SLC30A4: variants seen among roughly 807,000 people sequenced by gnomAD.
The protein encoded by SLC30A4 is probable proton-coupled zinc antiporter SLC30A4.
SLC30A4 carries 20 observed loss-of-function variants against 41.7 expected under a neutral mutation model. The observed-to-expected ratio is 0.48, with a 90% confidence interval of 0.34 to 0.70. The LOEUF is 0.70. Among genes scored for constraint, SLC30A4 ranks in the 30% least tolerant of loss-of-function variants. SLC30A4 has a pLI of 0.01. For missense variants in SLC30A4, 441 were observed against 529.3 expected, an observed-to-expected ratio of 0.83 and a Z score of 1.64; for synonymous variants, 181 against 195.9, an observed-to-expected ratio of 0.92 and a Z score of 0.64.
chr15:45,514,861 C>A (rs1331357097), intron 2 of SLC30A4, among the ~76,000 whole-genome samples: 1 of 151,868 alleles, frequency 6.6e-6, no homozygotes, highest in Non-Finnish European at 1.5e-5. Flanking sequence ...TCTTTTTGCT[C>A]AACTCTGTGA....
chr15:45,495,115 C>A (rs555661344), intron 3 of SLC30A4, among the ~76,000 whole-genome samples: 2 of 151,214 alleles, frequency 1.3e-5, no homozygotes, highest in Admixed American at 1.3e-4. Flanking sequence ...CACTACACTC[C>A]AGCCAGGGTG....
At position 45,485,273 on chromosome 15, in the gene SLC30A4, T is replaced by G. The variant is rs901735113; in HGVS notation, c.1180A>C (p.Asn394His). Residue 394 changes from asparagine (N) to histidine (H), a missense_variant, in exon 8 of 8, where the codon AAC (asparagine) becomes CAC (histidine). By Grantham distance (68) the Asn-to-His change is moderately conservative. Coordinates refer to ENST00000261867, the MANE Select transcript of SLC30A4 (RefSeq NM_013309.6). ...SKWEEVQSKANHLLLNTFGMY... is the reference protein window; with the variant it reads ...SKWEEVQSKAHHLLLNTFGMY... ...CCAAATGTGTTCAATAATAAATGGT[T>G]TGCTTTGGACTGTACTTCCTCCCAT... 1 of 1,612,230 alleles carries G rather than the reference T, an allele frequency of 6.2e-7. No homozygotes were observed. The highest frequency in any genetic ancestry group is 8.5e-7 in the Non-Finnish European group (1 of 1,178,894).
chr15:45,500,066 CTG>C (rs1891989266), intron 3 of SLC30A4, among the ~76,000 whole-genome samples: 1 of 152,124 alleles, frequency 6.6e-6, no homozygotes, highest in Non-Finnish European at 1.5e-5. Flanking sequence ...TCTTGAAAAA[CTG>C]TTATTTAATC....
At chr15:45,500,150 T>C (rs1891991389) in intron 3 of SLC30A4, among the ~76,000 whole-genome samples, 1 of 152,132 alleles carries the variant, frequency 6.6e-6, no homozygotes, top group Non-Finnish European at 1.5e-5. Flanking sequence ...CGGTAGGCCA[T>C]TTTGGAGCAT....
chr15:45,521,813 G>T, intron 2 of SLC30A4, 151 bp downstream of exon 2: 1 of 712,362 alleles, frequency 1.4e-6, no homozygotes, highest in Non-Finnish European at 2.3e-6. Context: ...GCTGCACTTT[G>T]GAACCGTGTG....
chr15:45,495,137 CCT>C (rs1356159940), intron 3 of SLC30A4, among the ~76,000 whole-genome samples: 2 of 151,496 alleles, frequency 1.3e-5, no homozygotes, highest in African/African-American at 2.4e-5. Flanking sequence ...GAGTGAGACC[CCT>C]GTCTCTCAAA....
At chr15:45,508,573 T>G (rs1892211277) in intron 3 of SLC30A4, among the ~76,000 whole-genome samples, 1 of 152,228 alleles carries the variant, frequency 6.6e-6, no homozygotes, top group South Asian at 2.1e-4. Context: ...CCCACTCATA[T>G]GTACTTTACA....
At chr15:45,495,396 G>A (rs563263850) in intron 3 of SLC30A4, among the ~76,000 whole-genome samples, 1 of 152,246 alleles carries the variant, frequency 6.6e-6, no homozygotes, top group South Asian at 2.1e-4. Context: ...TTCTGGTTTG[G>A]ATGATAAATT....
intron 3 of SLC30A4, among the ~76,000 whole-genome samples, chr15:45,500,428 A>G (rs1891995659): frequency 6.6e-6 from 1 of 152,202 alleles, no homozygotes; most frequent in Admixed American, 6.5e-5. Flanking sequence ...CTCAGATTTG[A>G]ACAAAAGATG....
rs777390582 is a variant in SLC30A4 at position 45,522,027 on chromosome 15, C to T, written c.328G>A (p.Val110Met). Residue 110 changes from valine to methionine, a missense_variant, in exon 2 of 8, where the codon GTG becomes ATG. Physicochemically the swap from Val to Met is conservative, Grantham distance 21 (BLOSUM62 1). Coordinates refer to ENST00000261867, the MANE Select transcript of SLC30A4 (RefSeq NM_013309.6). The part of the protein sequence containing the change: ...KQREILKQRK[V>M]KARLTIAAVL... Reference sequence around the variant, plus strand: ...GCAGCAATGGTCAACCTGGCTTTCACCTTTCTCTGCTTCAGTATCTCTCTC... The same window carrying T: ...GCAGCAATGGTCAACCTGGCTTTCATCTTTCTCTGCTTCAGTATCTCTCTC... The T allele has an allele frequency of 1.2e-6, 2 of 1,614,104 alleles. No individual in the cohort carries two copies. Among genetic ancestry groups the T allele is most frequent in the African/African-American group, 2.7e-5 (2 of 74,946 alleles).
rs140682920 is a variant in SLC30A4, at chr15:45,481,076, T to C, written c.*4087A>G. On this transcript the variant is annotated 3_prime_UTR_variant, in exon 8 of 8. Transcript: ENST00000261867. ...GACTATGTCTATTCTGGAAAGTCTA[T>C]GAAAGACAAACACTGTCAGGTGGAA... 8.0e-4 allele frequency: 122 copies of C among 152,336 alleles called. No homozygotes were observed. The highest frequency in any genetic ancestry group is 2.9e-3 in the African/African-American group (120 of 41,568). 9.4% of individuals were successfully genotyped at this position (152,336 alleles called of 1,614,324 possible). A position where few individuals can be genotyped will look rare whatever the true frequency, so the allele number is the denominator to read the frequency against.
chr15:45,487,478 T>A (rs1204733483), intron 6 of SLC30A4, 49 bp downstream of exon 6: 1 of 910,024 alleles, frequency 1.1e-6, no homozygotes, highest in African/African-American at 1.7e-5. Flanking sequence ...ACTCCCAATC[T>A]GCTTTAGGGA....
chr15:45,515,046 ATT>A (rs1357385196), intron 2 of SLC30A4, among the ~76,000 whole-genome samples: 1 of 143,418 alleles, frequency 7.0e-6, no homozygotes, highest in African/African-American at 2.5e-5. Flanking sequence ...CACCTTGCTA[ATT>A]TTTTTTTTTT....
At chr15:45,495,014 G>T (rs1046848439) in intron 3 of SLC30A4, among the ~76,000 whole-genome samples, 6 of 152,128 alleles carry the variant, frequency 3.9e-5, no homozygotes, top group African/African-American at 1.4e-4. Context: ...TTGGCCAAGT[G>T]TGGTGGTATA....
intron 2 of SLC30A4, among the ~76,000 whole-genome samples, chr15:45,516,900 G>C (rs780360321): frequency 4.6e-5 from 7 of 152,064 alleles, no homozygotes; most frequent in Non-Finnish European, 8.8e-5. Context: ...CTGGGTGACA[G>C]AGCGAGACTC....
At chr15:45,505,238 T>TAAAAAAAAAA (rs1209222695) in intron 3 of SLC30A4, among the ~76,000 whole-genome samples, 5 of 53,174 alleles carry the variant, frequency 9.4e-5, no homozygotes, top group Non-Finnish European at 1.6e-4. Context: ...TCTCAAAAAT[T>TAAAAAAAAAA]AAAAAAAAAA....
chr15:45,517,814 G>C (rs977031058), intron 2 of SLC30A4, among the ~76,000 whole-genome samples: 6 of 151,988 alleles, frequency 3.9e-5, no homozygotes, highest in African/African-American at 1.4e-4. Context: ...TAGGCGCGGT[G>C]GGGGGCGCCT....
chr15:45,502,983 G>T (rs1457078347), intron 3 of SLC30A4: 1 of 149,116 alleles, frequency 6.7e-6, no homozygotes, highest in South Asian at 2.1e-4. Flanking sequence ...AACAGAAAAA[G>T]ACCGTGTCTC....
intron 3 of SLC30A4, 36 bp downstream of exon 3, chr15:45,511,102 A>G: frequency 6.4e-7 from 1 of 1,556,642 alleles, no homozygotes; most frequent in Non-Finnish European, 8.8e-7. Context: ...TTTTACTATA[A>G]AATATTATAA....
Sources: gnomAD v4.1 joint callset for allele counts (sites outside exome capture counted in the v4.1 genomes callset) on GRCh38, gnomAD v4.1.1 for gene constraint, MANE v1.5 for transcripts, NCBI Gene and HGNC (gene_info 2026-07-23, HGNC 2026-07-21) for gene names.